DPP6: variants seen among roughly 807,000 people sequenced by gnomAD.
DPP6 encodes dipeptidyl peptidase like 6.
DPP6 carries 69 observed loss-of-function variants against 122.6 expected under a neutral mutation model. The observed-to-expected ratio is 0.56, with a 90% CI of 0.46 to 0.69. The LOEUF is 0.69. DPP6 is among the 30% of genes least tolerant of loss of function. The pLI is 0.00. For missense variants in DPP6, 928 were observed against 1,116.9 expected, an observed-to-expected ratio of 0.83 and a Z score of 2.41; for synonymous variants, 418 against 433.1, an observed-to-expected ratio of 0.97 and a Z score of 0.43.
chr7:154,363,062 A>G (rs1811868403), intron 1 of DPP6, among the ~76,000 whole-genome samples: 1 of 151,286 alleles, frequency 6.6e-6, no homozygotes, highest in Admixed American at 6.6e-5. Flanking sequence ...CCTCCCCTCC[A>G]CCCATTGTTC....
upstream of DPP6, among the ~76,000 whole-genome samples, chr7:153,882,932 CTA>C (rs1251052855): frequency 6.6e-6 from 1 of 152,148 alleles, no homozygotes; most frequent in Non-Finnish European, 1.5e-5. Context: ...AGGGCAGATT[CTA>C]TGTGACCAAA....
At chr7:154,596,813 G>A (rs552940324) in intron 5 of DPP6, among the ~76,000 whole-genome samples, 133 of 152,262 alleles carry the variant, frequency 8.7e-4, no homozygotes, top group Non-Finnish European at 1.7e-3. Context: ...TAATAATAGC[G>A]CCTTGCTCTA....
intron 1 of DPP6, among the ~76,000 whole-genome samples, chr7:154,212,766 A>G (rs1799807953): frequency 6.6e-6 from 1 of 152,196 alleles, no homozygotes; most frequent in South Asian, 2.1e-4. Flanking sequence ...ATCAGCTGGG[A>G]GAGAACACAG....
At chr7:154,175,185 T>C (rs1797736253) in intron 1 of DPP6, among the ~76,000 whole-genome samples, 1 of 152,280 alleles carries the variant, frequency 6.6e-6, no homozygotes, top group African/African-American at 2.4e-5. Context: ...CCCAGTGTTG[T>C]TGGCAGAATT....
intron 1 of DPP6, among the ~76,000 whole-genome samples, chr7:154,410,619 T>C (rs1816517426): frequency 6.6e-6 from 1 of 152,236 alleles, no homozygotes; most frequent in East Asian, 1.9e-4. Context: ...GTGCTTGTTA[T>C]AATTAAATAA....
Position 154,403,533 on chromosome 7 carries a change from G to A in DPP6, c.244-42681G>A, listed in dbSNP as rs907082866. ...GGAGCCTCTCATCTCCACCTGCTGC[G>A]GAAGCTCCTGTGCATCCAACTCTGG... On this transcript the variant is annotated intron_variant, in intron 1 of 25. Transcript: ENST00000377770. This position sits in a 1 kb window ranked among gnomAD's most constrained non-coding sequence, Gnocchi z 4.1. 3.3e-5 allele frequency among the ~76,000 whole-genome samples: 5 copies of A among 152,206 alleles called. No homozygotes were observed. Among genetic ancestry groups the A allele is most frequent in the African/African-American group, 1.2e-4 (5 of 41,444 alleles).
chr7:154,495,748 C>T (rs551712983), intron 3 of DPP6, among the ~76,000 whole-genome samples: 95 of 152,174 alleles, frequency 6.2e-4, no homozygotes, highest in African/African-American at 2.1e-3. Context: ...GGAACCAGTG[C>T]GGGGAGGTAA....
intron 3 of DPP6, among the ~76,000 whole-genome samples, chr7:154,503,133 G>T (rs1199076341): frequency 2.6e-5 from 4 of 152,194 alleles, no homozygotes; most frequent in Non-Finnish European, 4.4e-5. Context: ...GAGAGTTGAA[G>T]CTACACCTTG....
intron 1 of DPP6, among the ~76,000 whole-genome samples, chr7:154,280,554 C>T (rs1393711462): frequency 2.0e-5 from 3 of 152,048 alleles, no homozygotes; most frequent in Non-Finnish European, 4.4e-5. Context: ...TTTATTAGAG[C>T]TATTTAATAA....
intron 1 of DPP6, among the ~76,000 whole-genome samples, chr7:154,192,962 T>A (rs976100812): frequency 1.3e-5 from 2 of 152,182 alleles, no homozygotes; most frequent in African/African-American, 4.8e-5. Context: ...AACATGGAAA[T>A]TAAGGCATGT....
At chr7:154,676,022 ACTT>A (rs1838872953) in intron 7 of DPP6, among the ~76,000 whole-genome samples, 1 of 152,156 alleles carries the variant, frequency 6.6e-6, no homozygotes. Flanking sequence ...TCTGAGAAAA[ACTT>A]CTCTCCAGGG....
intron 1 of DPP6, among the ~76,000 whole-genome samples, chr7:154,292,026 A>G (rs7789116): frequency 0.032 from 4,802 of 152,240 alleles, 195 homozygotes; most frequent in African/African-American, 0.093. Flanking sequence ...GAGGAAAGGA[A>G]GAAGGTAGCC....
chr7:154,123,744 C>T (rs981540220), intron 1 of DPP6, among the ~76,000 whole-genome samples: 1 of 139,324 alleles, frequency 7.2e-6, no homozygotes, highest in Non-Finnish European at 1.6e-5. Context: ...GTGCTGCCCG[C>T]TCGTGGGGCT....
chr7:154,160,627 A>AG (rs1796933160), intron 1 of DPP6, among the ~76,000 whole-genome samples: 1 of 151,954 alleles, frequency 6.6e-6, no homozygotes, highest in African/African-American at 2.4e-5. Context: ...CATGCTGAGG[A>AG]GGGGGTGGGA....
At chr7:153,953,750 G>A (rs748391863) in intron 1 of DPP6, among the ~76,000 whole-genome samples, 1 of 152,162 alleles carries the variant, frequency 6.6e-6, no homozygotes, top group African/African-American at 2.4e-5. Flanking sequence ...GCATGTGTGT[G>A]TATATGTGTG....
At chr7:154,524,849 C>G (rs1219923538) in intron 3 of DPP6, among the ~76,000 whole-genome samples, 3 of 152,092 alleles carry the variant, frequency 2.0e-5, no homozygotes. Flanking sequence ...GTGTCCTTAT[C>G]AGTCACTTGT....
At chr7:153,956,298 G>A (rs1184772423) in intron 1 of DPP6, among the ~76,000 whole-genome samples, 1 of 152,162 alleles carries the variant, frequency 6.6e-6, no homozygotes, top group Non-Finnish European at 1.5e-5. Flanking sequence ...TGACCACGGA[G>A]AGGCAGGAGA....
chr7:154,646,793 C>T (rs533503035), intron 6 of DPP6, among the ~76,000 whole-genome samples: 5 of 152,168 alleles, frequency 3.3e-5, no homozygotes, highest in Admixed American at 6.5e-5. Flanking sequence ...GCAAAAGTGG[C>T]GAAAGAGGCT....
At chr7:153,786,248 G>T in the DPP6 span, among the ~76,000 whole-genome samples, 3 of 121,802 alleles carry the variant, frequency 2.5e-5, no homozygotes, top group Non-Finnish European at 3.5e-5. Flanking sequence ...TAACCCTTCT[G>T]TTGGTGGTTT....
Sources: allele counts gnomAD v4.1 joint callset (sites outside exome capture counted in the v4.1 genomes callset), GRCh38; gene constraint gnomAD v4.1.1; non-coding constraint Gnocchi (gnomAD v3.1); transcripts MANE v1.5; gene names NCBI Gene and HGNC (gene_info 2026-07-23, HGNC 2026-07-21).